ARID1A: variants seen among roughly 807,000 people sequenced by gnomAD.
ARID1A encodes the protein AT-rich interactive domain-containing protein 1A.
ARID1A carries 20 observed loss-of-function variants against 212.6 expected under a neutral mutation model. The observed-to-expected ratio is 0.09, with a 90% CI of 0.07 to 0.14. ARID1A has a LOEUF of 0.14. Ranked by LOEUF, ARID1A falls within the 10% of genes least tolerant of loss-of-function variation. The probability of loss-of-function intolerance (pLI) is 1.00; values close to 1 mark genes in which losing one functional copy is unlikely to be tolerated. For synonymous variants in ARID1A, 1,376 were observed against 1,222.1 expected (o/e 1.13, Z -2.63); for missense variants, 2,587 against 3,059.0 (o/e 0.85, Z 3.64).
At chr1:26,735,377 C>T (rs2080719875) in intron 4 of ARID1A, among the ~76,000 whole-genome samples, 1 of 152,200 alleles carries the variant, frequency 6.6e-6, no homozygotes, top group South Asian at 2.1e-4. Flanking sequence ...ACTGCAACCT[C>T]AGCCTCCCAG....
At position 26,696,977 on chromosome 1, in the gene ARID1A, C is replaced by A. The variant is rs2080270999; in HGVS notation, c.574C>A (p.Leu192Met). The A allele has an allele frequency of 6.7e-7, 1 of 1,498,318 alleles. No homozygotes were observed. The highest frequency in any genetic ancestry group is 1.3e-5 in the South Asian group (1 of 76,768). 92.8% of individuals were successfully genotyped at this position (1,498,318 alleles called of 1,614,324 possible). A position where few individuals can be genotyped will look rare whatever the true frequency, so the allele number is the denominator to read the frequency against. ...GCTGCAGAGCGGCGGCGGCGGGGGC[C>A]TGGAGCCCTACGCGGGGCCCCAGCA... is the stretch of plus-strand genomic sequence containing the variant. Reference protein sequence around the residue: ...AALQSGGGGGLEPYAGPQQNS... With the variant: ...AALQSGGGGGMEPYAGPQQNS... Residue 192 changes from leucine (L) to methionine (M), a missense_variant, in exon 1 of 20, where the codon CTG becomes ATG. Physicochemically the swap from Leu to Met is conservative, Grantham distance 15. Transcript: ENST00000324856.
chr1:26,738,423 C>T (rs1489860769), intron 4 of ARID1A, among the ~76,000 whole-genome samples: 1 of 152,174 alleles, frequency 6.6e-6, no homozygotes, highest in Non-Finnish European at 1.5e-5. Flanking sequence ...GACTTGCTGT[C>T]TTGCTTATTG....
In ARID1A at chr1:26,751,203, T is replaced by C. The variant is rs373271010; in HGVS notation, c.1921-9653T>C. Reference sequence around the variant, plus strand: ...CTGGGAGGCGGAGATTGCAGTGAGCTGAGATTGCACCACTGCACTCCAGCC... The same window carrying C: ...CTGGGAGGCGGAGATTGCAGTGAGCCGAGATTGCACCACTGCACTCCAGCC... On this transcript the variant is annotated intron_variant, in intron 4 of 19. Coordinates refer to ENST00000324856, the MANE Select transcript of ARID1A (RefSeq NM_006015.6). 9.0e-4 allele frequency among the ~76,000 whole-genome samples: 137 copies of C among 151,642 alleles called. 3 individuals are homozygous for C. In the South Asian group the frequency reaches 0.028, roughly 31 times the overall value.
At chr1:26,766,884 C>G (rs139596496) in intron 10 of ARID1A, among the ~76,000 whole-genome samples, 2 of 152,166 alleles carry the variant, frequency 1.3e-5, no homozygotes, top group Admixed American at 6.5e-5. Context: ...AACCGTGCCT[C>G]CTATACTCAA....
intron 4 of ARID1A, among the ~76,000 whole-genome samples, chr1:26,739,078 G>A (rs1376804469): frequency 2.7e-5 from 4 of 150,126 alleles, no homozygotes; most frequent in South Asian, 2.1e-4. Context: ...TAGTAGAGAT[G>A]GGGTTTCACC....
chr1:26,768,981 A>G (rs999355126), intron 11 of ARID1A, among the ~76,000 whole-genome samples: 2 of 152,264 alleles, frequency 1.3e-5, no homozygotes, highest in African/African-American at 4.8e-5. Flanking sequence ...GCCAACAGTC[A>G]GTTATGAATT....
At chr1:26,704,402 G>A (rs1050698031) in intron 1 of ARID1A, among the ~76,000 whole-genome samples, 45 of 152,134 alleles carry the variant, frequency 3.0e-4, no homozygotes, top group Admixed American at 2.7e-3. Context: ...TAAAACAAGA[G>A]CCACGAAGTA....
chr1:26,712,700 A>G (rs145979655), intron 1 of ARID1A, among the ~76,000 whole-genome samples: 55 of 152,302 alleles, frequency 3.6e-4, no homozygotes, highest in African/African-American at 1.1e-3. Flanking sequence ...CCCTGTCTCA[A>G]ATAAAAATAA....
At chr1:26,723,262 G>T (rs2080582424) in intron 1 of ARID1A, among the ~76,000 whole-genome samples, 1 of 152,160 alleles carries the variant, frequency 6.6e-6, no homozygotes. Flanking sequence ...ACGTGCAGCT[G>T]GCAGGAAGCT....
At position 26,774,672 on chromosome 1, in the gene ARID1A, G is replaced by A. The variant is rs1557616295; in HGVS notation, c.4445G>A (p.Gly1482Asp). ...CAAAACATGCCACCACAAATGATGG[G>A]CGGCCCCATACAGGCATCAGCTGAG... is the stretch of plus-strand genomic sequence containing the variant. ...AQQNMPPQMMGGPIQASAEVA... is the reference protein window; with the variant it reads ...AQQNMPPQMMDGPIQASAEVA... The change falls in exon 18 of 20, where the codon GGC (glycine) becomes GAC (aspartate). Residue 1482 changes from glycine to aspartate, a missense_variant. Physicochemically the swap from Gly to Asp is moderately conservative, Grantham distance 94. This residue lies in a region of ARID1A where 890 missense variants were observed against 1,098.2 expected (regional missense o/e 0.81). Transcript: ENST00000324856. This position sits in a 1 kb window ranked among gnomAD's most constrained non-coding sequence, Gnocchi z 5.6. 2 of 1,614,100 alleles carry A rather than the reference G, an allele frequency of 1.2e-6. No homozygotes were observed. Among genetic ancestry groups the A allele is most frequent in the African/African-American group, 1.3e-5 (1 of 74,936 alleles).
In ARID1A at chr1:26,767,888, C is replaced by T. The variant is rs1336018740; in HGVS notation, c.3087C>T (p.Ala1029=). The change falls in exon 11 of 20, where the codon GCC becomes GCT. Residue 1029 remains alanine (A), a synonymous_variant. Transcript: ENST00000324856. ...ERKMWVDRYL[A]FTEEKAMGMT... Reference sequence around the variant, plus strand: ...AGATGTGGGTGGACCGTTATCTGGCCTTCACTGAGGAGAAGGCCATGGGCA... The same window carrying T: ...AGATGTGGGTGGACCGTTATCTGGCTTTCACTGAGGAGAAGGCCATGGGCA... 1 of 1,614,140 alleles carries T rather than the reference C, an allele frequency of 6.2e-7. No individual in the cohort carries two copies. The highest frequency in any genetic ancestry group is 2.2e-5 in the East Asian group (1 of 44,878).
Position 26,774,125 on chromosome 1 carries a change from A to C in ARID1A, c.4102-204A>C. On this transcript the variant is annotated intron_variant, in intron 17 of 19. Coordinates refer to ENST00000324856, the MANE Select transcript of ARID1A (RefSeq NM_006015.6). The surrounding 1 kb of genome is among the most constrained non-coding windows in gnomAD (Gnocchi z 5.6). ...TTATTTTGATTTTTAGGTTTTGTAT[A>C]TTTTTCTACTTAAGCAAGGGAAGGG... 8.5e-7 allele frequency: 1 copy of C among 1,173,544 alleles called. No homozygotes were observed. The highest frequency in any genetic ancestry group is 1.6e-5 in the African/African-American group (1 of 64,156). The allele number at this position is 1,173,544 out of a possible 1,614,324, so 72.7% of individuals were successfully genotyped here. A position where few individuals can be genotyped will look rare whatever the true frequency, so the allele number is the denominator to read the frequency against.
chr1:26,696,659 GGCGGAGCCGGCAGCGGCGGCGGGCCCGGC>G lies in ARID1A; in HGVS notation c.267_295del (p.Ser90ProfsTer11). The G allele has an allele frequency of 1.5e-6, 2 of 1,316,776 alleles. No individual in the cohort carries two copies. Among genetic ancestry groups the G allele is most frequent in the South Asian group, 2.2e-5 (1 of 45,032 alleles). The allele number at this position is 1,316,776 out of a possible 1,614,324, so 81.6% of individuals were successfully genotyped here. A position where few individuals can be genotyped will look rare whatever the true frequency, so the allele number is the denominator to read the frequency against. ...CGAGAGCAATGGGGGTGGCGGCGGC[GGCGGAGCCGGCAGCGGCGGCGGGCCCGGC>G]GCGGAGCCGGACCTGAAGAACTCGA... On this transcript the variant is annotated frameshift_variant, in exon 1 of 20. Transcript: ENST00000324856. LOFTEE classifies it high-confidence loss of function.
chr1:26,764,062 C>T (rs2124073091), intron 8 of ARID1A, among the ~76,000 whole-genome samples: 1 of 152,212 alleles, frequency 6.6e-6, no homozygotes. Context: ...CTCTGCTTTC[C>T]AGGTTCAACC....
At chr1:26,719,466 T>A (rs2080538894) in intron 1 of ARID1A, among the ~76,000 whole-genome samples, 1 of 152,190 alleles carries the variant, frequency 6.6e-6, no homozygotes, top group African/African-American at 2.4e-5. Flanking sequence ...CTAGAGACAC[T>A]CTGTGCTGGA....
At chr1:26,765,506 A>C (rs1452061276) in intron 8 of ARID1A, 1 of 151,460 alleles carries the variant, frequency 6.6e-6, no homozygotes, top group East Asian at 1.9e-4. Flanking sequence ...AAAAAATTGA[A>C]CTATTGTTTG....
At chr1:26,716,118 A>AT (rs1193047873) in intron 1 of ARID1A, among the ~76,000 whole-genome samples, 3 of 151,716 alleles carry the variant, frequency 2.0e-5, no homozygotes, top group Admixed American at 1.3e-4. Context: ...AGGCAGGAGA[A>AT]TCACTTGAAC....
chr1:26,718,715 A>G (rs964384521), intron 1 of ARID1A, among the ~76,000 whole-genome samples: 6 of 152,220 alleles, frequency 3.9e-5, no homozygotes, highest in Admixed American at 2.0e-4. Flanking sequence ...ATGACAAGAA[A>G]AAAAGTGTAC....
At chr1:26,702,580 T>G (rs1009702068) in intron 1 of ARID1A, among the ~76,000 whole-genome samples, 2 of 152,196 alleles carry the variant, frequency 1.3e-5, no homozygotes, top group Non-Finnish European at 2.9e-5. Context: ...TGTAAACTGT[T>G]CTATAGAATG....
Sources: gnomAD v4.1 joint callset for allele counts (sites outside exome capture counted in the v4.1 genomes callset) on GRCh38, gnomAD v4.1.1 for gene constraint, gnomAD v4.1.1 regional missense constraint, Gnocchi (gnomAD v3.1) non-coding constraint, MANE v1.5 for transcripts, NCBI Gene and HGNC (gene_info 2026-07-23, HGNC 2026-07-21) for gene names.